The following MAP4K5 variants were observed in gnomAD, a reference collection of about 807,000 sequenced individuals.
MAP4K5 encodes MAPK/ERK kinase kinase kinase 5.
MAP4K5 carries 82 observed loss-of-function variants against 135.6 expected under a neutral mutation model. The ratio of observed to expected loss-of-function variants is 0.60; its 90% confidence interval spans 0.51 to 0.73. MAP4K5 has a LOEUF of 0.73. Ranked by LOEUF, MAP4K5 falls within the 30% of genes least tolerant of loss-of-function variation. The pLI is 0.00. For synonymous variants in MAP4K5, 347 were observed against 335.0 expected, an observed-to-expected ratio of 1.04 and a Z score of -0.39; for missense variants, 907 against 1,010.9, an observed-to-expected ratio of 0.90 and a Z score of 1.39.
At chr14:50,478,647 T>C (rs944146608) in intron 6 of MAP4K5, among the ~76,000 whole-genome samples, 3 of 152,072 alleles carry the variant, frequency 2.0e-5, no homozygotes, top group Admixed American at 2.0e-4. Context: ...ACATCCCTAA[T>C]CAGAAAACAG....
intron 3 of MAP4K5, among the ~76,000 whole-genome samples, chr14:50,504,172 C>A (rs549861495): frequency 5.3e-5 from 8 of 152,026 alleles, no homozygotes; most frequent in Non-Finnish European, 1.0e-4. Context: ...TAATTATGGT[C>A]ACAAACTTAT....
chr14:50,525,829 G>GT (rs1306930275), intron 2 of MAP4K5, among the ~76,000 whole-genome samples: 1 of 152,152 alleles, frequency 6.6e-6, no homozygotes, highest in Non-Finnish European at 1.5e-5. Flanking sequence ...AAGTGAAAAA[G>GT]TAAGACCCTG....
At chr14:50,556,509 C>A (rs1315948233) in intron 1 of MAP4K5, among the ~76,000 whole-genome samples, 1 of 152,172 alleles carries the variant, frequency 6.6e-6, no homozygotes, top group African/African-American at 2.4e-5. Context: ...TGAGCCACTG[C>A]ACCCAGCCTA....
chr14:50,468,848 T>C (rs1342692213), intron 9 of MAP4K5, 66 bp from the exon 10 acceptor site: 6 of 1,449,990 alleles, frequency 4.1e-6, no homozygotes, highest in Non-Finnish European at 5.7e-6. Context: ...TTACTTCCTG[T>C]TATAATCACC....
rs111259557 is a variant in MAP4K5 at position 50,445,899 on chromosome 14, T to C, written c.1185+180A>G. Reference sequence around the variant, plus strand: ...TTTTTCTAATAGCTATTAAAAATATTGTATTCCTCATGAAATCTTCTTTAC... The same window carrying C: ...TTTTTCTAATAGCTATTAAAAATATCGTATTCCTCATGAAATCTTCTTTAC... On this transcript the variant is annotated intron_variant, in intron 17 of 32. Coordinates refer to ENST00000682126, the MANE Select transcript of MAP4K5 (RefSeq NM_006575.6). Among the ~76,000 whole-genome samples the C allele has an allele frequency of 2.4e-3, 363 of 152,294 alleles. 1 individual carries two copies. The highest frequency in any genetic ancestry group is 8.0e-3 in the African/African-American group (331 of 41,560).
In MAP4K5 at chr14:50,434,443, C is replaced by T. The variant is rs562989395; in HGVS notation, c.2115G>A (p.Glu705=). 9.9e-6 allele frequency: 16 copies of T among 1,610,090 alleles called. No individual in the cohort carries two copies. The African/African-American group carries it at 1.3e-4, about 13-fold the overall frequency. The change falls in exon 28 of 33, where the codon GAG becomes GAA. Residue 705 remains glutamate, a synonymous_variant. Coordinates refer to ENST00000682126, the MANE Select transcript of MAP4K5 (RefSeq NM_006575.6). ...AAGATGCAGAGTTCAAATTGATTGT[C>T]TCAAACTGAACTACCTGATTCGATT... ...GTESNQVVQF[E]TINLNSASSW...
intron 3 of MAP4K5, among the ~76,000 whole-genome samples, chr14:50,502,411 A>G (rs1278310629): frequency 6.6e-6 from 1 of 152,200 alleles, no homozygotes; most frequent in African/African-American, 2.4e-5. Context: ...TCAATGGCGA[A>G]GTAAATATCT....
intron 30 of MAP4K5, among the ~76,000 whole-genome samples, chr14:50,427,110 G>C (rs941512465): frequency 6.6e-6 from 1 of 152,110 alleles, no homozygotes; most frequent in African/African-American, 2.4e-5. Flanking sequence ...TCCCCAGGAG[G>C]ATTCCTGTAA....
At chr14:50,506,124 A>G (rs1030373279) in intron 2 of MAP4K5, among the ~76,000 whole-genome samples, 4 of 152,224 alleles carry the variant, frequency 2.6e-5, no homozygotes, top group Non-Finnish European at 4.4e-5. Context: ...AGAAAAAGAC[A>G]TGATAAAATA....
chr14:50,421,454 G>A (rs185473252), intron 32 of MAP4K5, among the ~76,000 whole-genome samples: 1 of 151,620 alleles, frequency 6.6e-6, no homozygotes, highest in Admixed American at 6.6e-5. Context: ...CAGGGACAGG[G>A]TTTCTGCATG....
At chr14:50,423,265 C>A in intron 31 of MAP4K5, 89 bp from the exon 32 acceptor site, 3 of 557,778 alleles carry the variant, frequency 5.4e-6, no homozygotes, top group Admixed American at 3.2e-5. Context: ...ATTATTAACA[C>A]AATAAATATT....
intron 14 of MAP4K5, among the ~76,000 whole-genome samples, chr14:50,455,929 TATTAA>T (rs1314847544): frequency 4.6e-5 from 7 of 152,134 alleles, no homozygotes; most frequent in Admixed American, 3.9e-4. Flanking sequence ...TGTCAATGAT[TATTAA>T]ATTAAAAACT....
chr14:50,527,488 A>G (rs946650486), intron 2 of MAP4K5, among the ~76,000 whole-genome samples: 1 of 152,192 alleles, frequency 6.6e-6, no homozygotes, highest in Non-Finnish European at 1.5e-5. Flanking sequence ...CAAACAGAAA[A>G]AAGACCTGTA....
chr14:50,531,871 T>C, intron 2 of MAP4K5, 71 bp downstream of exon 2: 2 of 1,059,124 alleles, frequency 1.9e-6, no homozygotes, highest in South Asian at 1.3e-5. Context: ...GCCCCAATAC[T>C]TCGCAGGAAA....
At chr14:50,522,495 CT>C (rs1416961954) in intron 2 of MAP4K5, among the ~76,000 whole-genome samples, 1 of 152,094 alleles carries the variant, frequency 6.6e-6, no homozygotes, top group Admixed American at 6.6e-5. Flanking sequence ...ACCCAGATGA[CT>C]TTTAAAATAG....
intron 2 of MAP4K5, among the ~76,000 whole-genome samples, chr14:50,539,354 T>C (rs1006300584): frequency 3.3e-5 from 5 of 152,152 alleles, no homozygotes; most frequent in African/African-American, 1.2e-4. Flanking sequence ...TCTGTGAGAG[T>C]ACATGAAAAC....
intron 12 of MAP4K5, 30 bp from the exon 13 acceptor site, chr14:50,462,811 G>A: frequency 7.8e-7 from 1 of 1,281,670 alleles, no homozygotes; most frequent in South Asian, 1.2e-5. Flanking sequence ...AATTTCATGA[G>A]TATGCCTTTA....
At chr14:50,507,165 T>C (rs911117833) in intron 2 of MAP4K5, among the ~76,000 whole-genome samples, 3 of 152,242 alleles carry the variant, frequency 2.0e-5, no homozygotes, top group Non-Finnish European at 2.9e-5. Context: ...GCAGGAACTT[T>C]CATATACATT....
At chr14:50,443,672 T>C (rs1051454725) in intron 20 of MAP4K5, 57 bp downstream of exon 20, 29 of 1,412,042 alleles carry the variant, frequency 2.1e-5, no homozygotes, top group Admixed American at 5.1e-5. Flanking sequence ...AGCCAATATA[T>C]TGCTGCTTCT....
Sources: allele counts gnomAD v4.1 joint callset (sites outside exome capture counted in the v4.1 genomes callset), GRCh38; gene constraint gnomAD v4.1.1; transcripts MANE v1.5; gene names NCBI Gene and HGNC (gene_info 2026-07-23, HGNC 2026-07-21).